Variants in HECW2 observed in about 807,000 individuals in gnomAD.
HECW2 encodes the protein E3 ubiquitin-protein ligase HECW2.
In HECW2, 61 loss-of-function variants were observed where a neutral mutation model predicts 175.2. The ratio of observed to expected loss-of-function variants is 0.35; its 90% CI spans 0.28 to 0.43. The LOEUF is 0.43. Among genes scored for constraint, HECW2 ranks in the 20% least tolerant of loss-of-function variants. The pLI, the probability that HECW2 is intolerant of heterozygous loss-of-function variation, is 1.00. For synonymous variants in HECW2, 671 were observed against 731.0 expected (o/e 0.92, Z 1.32); for missense variants, 1,524 against 2,000.5 (o/e 0.76, Z 4.54).
Position 196,325,033 on chromosome 2 carries a change from C to T in HECW2, c.688G>A (p.Glu230Lys). ...TTACTGATGATAGTAGACCGTCTCT[C>T]CTGCCCGTGGTGGGCACAGGTGGGG... ...SFPTCAHHGQ[E>K]RRSTIISNTT... Residue 230 changes from glutamate to lysine, a missense_variant, in exon 6 of 29, where the codon GAG becomes AAG. Glu to Lys is a moderately conservative substitution (Grantham distance 56, BLOSUM62 1). This residue lies in a region of HECW2 where 95 missense variants were observed against 136.8 expected (regional missense o/e 0.69). Coordinates refer to ENST00000644978, the MANE Select transcript of HECW2 (RefSeq NM_001348768.2). The T allele has an allele frequency of 6.2e-7, 1 of 1,610,340 alleles. No homozygotes were observed. Among genetic ancestry groups the T allele is most frequent in the Non-Finnish European group, 8.5e-7 (1 of 1,178,802 alleles).
At chr2:196,591,330 A>G (rs1691184215) in intron 1 of HECW2, among the ~76,000 whole-genome samples, 1 of 152,222 alleles carries the variant, frequency 6.6e-6, no homozygotes, top group Admixed American at 6.5e-5. Flanking sequence ...AATGAAGACT[A>G]AAGTCTTTCC....
intron 1 of HECW2, among the ~76,000 whole-genome samples, chr2:196,522,760 C>G (rs58523562): frequency 0.19 from 28,193 of 148,882 alleles, 2,987 homozygotes; most frequent in African/African-American, 0.3. Flanking sequence ...GCTTGTTTTT[C>G]TCAGGTTTGT....
rs749209649 is a variant in HECW2, at chr2:196,242,131, G to A, written c.3603C>T (p.Tyr1201=). Reference sequence around the variant, plus strand: ...CATATCCTTTAGTCTCTAACTTCCTGTAAAAGTTCCTCAGTTTGGCTTCGA... The same window carrying A: ...CATATCCTTTAGTCTCTAACTTCCTATAAAAGTTCCTCAGTTTGGCTTCGA... ...RDFEAKLRNF[Y]RKLETKGYGQ... is the part of the protein sequence containing the mutation. The change falls in exon 20 of 29, where the codon TAC becomes TAT. Residue 1201 remains tyrosine, a synonymous_variant. Transcript: ENST00000644978. 10 of 1,614,022 alleles carry A rather than the reference G, an allele frequency of 6.2e-6. No homozygotes were observed. In the East Asian group the frequency reaches 1.8e-4, roughly 29 times the overall value.
chr2:196,567,377 T>C (rs1345321977), intron 1 of HECW2, among the ~76,000 whole-genome samples: 2 of 152,178 alleles, frequency 1.3e-5, no homozygotes, highest in Non-Finnish European at 2.9e-5. Context: ...CAAACAATCA[T>C]AGAAACTGGT....
At chr2:196,385,141 G>C (rs886247910) in intron 2 of HECW2, among the ~76,000 whole-genome samples, 2 of 151,888 alleles carry the variant, frequency 1.3e-5, no homozygotes, top group Admixed American at 6.6e-5. Context: ...TGAACTCCTG[G>C]GCTCAAGCAA....
chr2:196,489,717 C>T (rs1687122863), intron 1 of HECW2, among the ~76,000 whole-genome samples: 1 of 152,096 alleles, frequency 6.6e-6, no homozygotes, highest in Admixed American at 6.6e-5. Flanking sequence ...GGAAATAACC[C>T]AAAGAGAAGT....
intron 14 of HECW2, chr2:196,288,361 AAC>A (rs1690472585): frequency 6.6e-6 from 1 of 152,270 alleles, no homozygotes; most frequent in African/African-American, 2.4e-5. Flanking sequence ...ATCATACAGA[AAC>A]AGAGAACATT....
intron 2 of HECW2, among the ~76,000 whole-genome samples, chr2:196,378,881 C>T (rs1364311368): frequency 6.6e-6 from 1 of 152,178 alleles, no homozygotes; most frequent in Non-Finnish European, 1.5e-5. Context: ...ACTAATCAAT[C>T]TTAGCATCAC....
intron 1 of HECW2, among the ~76,000 whole-genome samples, chr2:196,539,163 T>C (rs1250738521): frequency 2.0e-5 from 3 of 152,168 alleles, no homozygotes; most frequent in Non-Finnish European, 4.4e-5. Flanking sequence ...AGTTCTTGTC[T>C]GGGGTGCTCA....
intron 19 of HECW2, among the ~76,000 whole-genome samples, chr2:196,243,999 T>C (rs1490148279): frequency 6.6e-6 from 1 of 152,224 alleles, no homozygotes; most frequent in Non-Finnish European, 1.5e-5. Context: ...ACAAAAACAC[T>C]GGATATTTCC....
intron 3 of HECW2, among the ~76,000 whole-genome samples, chr2:196,340,725 G>A (rs1022943074): frequency 6.6e-6 from 1 of 151,846 alleles, no homozygotes; most frequent in Non-Finnish European, 1.5e-5. Flanking sequence ...GGCAAGGAGT[G>A]CTTCATTCTG....
At chr2:196,482,896 TCTGA>T (rs1017857332) in intron 1 of HECW2, among the ~76,000 whole-genome samples, 2 of 152,206 alleles carry the variant, frequency 1.3e-5, no homozygotes, top group African/African-American at 2.4e-5. Context: ...GCTCCACTTC[TCTGA>T]CTTTTTGTTT....
At chr2:196,271,057 C>A in intron 17 of HECW2, 136 bp downstream of exon 17, 1 of 626,916 alleles carries the variant, frequency 1.6e-6, no homozygotes. Flanking sequence ...GTGATGATGA[C>A]AAAATATTTG....
intron 28 of HECW2, among the ~76,000 whole-genome samples, chr2:196,210,053 G>T (rs1423842761): frequency 6.6e-6 from 1 of 152,172 alleles, no homozygotes; most frequent in African/African-American, 2.4e-5. Context: ...GTGAGCCACT[G>T]TGCCCAGCCT....
intron 1 of HECW2, among the ~76,000 whole-genome samples, chr2:196,465,560 C>T (rs1180759313): frequency 6.6e-6 from 1 of 152,000 alleles, no homozygotes; most frequent in East Asian, 1.9e-4. Flanking sequence ...ACCATTTTTT[C>T]TACTGCTTGT....
intron 1 of HECW2, among the ~76,000 whole-genome samples, chr2:196,585,286 C>A (rs1484903846): frequency 6.6e-6 from 1 of 152,038 alleles, no homozygotes; most frequent in Non-Finnish European, 1.5e-5. Flanking sequence ...CTCTTTTATA[C>A]CCATTACTTA....
At chr2:196,451,446 AAAAG>A (rs760423276) in intron 1 of HECW2, among the ~76,000 whole-genome samples, 7,648 of 130,456 alleles carry the variant, frequency 0.059, 212 homozygotes, top group Middle Eastern at 0.076. Context: ...AAAAAAAAAA[AAAAG>A]AAAAGAAATG....
chr2:196,277,245 C>A (rs879479320), intron 15 of HECW2, among the ~76,000 whole-genome samples: 1 of 152,094 alleles, frequency 6.6e-6, no homozygotes, highest in Non-Finnish European at 1.5e-5. Context: ...CCCTGCAAAT[C>A]GGTAAAGTAG....
intron 16 of HECW2, among the ~76,000 whole-genome samples, chr2:196,271,579 T>C (rs2105964273): frequency 6.6e-6 from 1 of 152,314 alleles, no homozygotes; most frequent in African/African-American, 2.4e-5. Flanking sequence ...TAAGCCACTG[T>C]GCCCGGCCTA....
Sources: gnomAD v4.1 joint callset for allele counts (sites outside exome capture counted in the v4.1 genomes callset) on GRCh38, gnomAD v4.1.1 for gene constraint, gnomAD v4.1.1 regional missense constraint, MANE v1.5 for transcripts, NCBI Gene and HGNC (gene_info 2026-07-23, HGNC 2026-07-21) for gene names.